ZNF620: variants seen among roughly 807,000 people sequenced by gnomAD.
ZNF620 encodes zinc finger protein 620.
Under a neutral mutation model 13.3 loss-of-function variants are expected in ZNF620, and 10 were observed. The observed-to-expected ratio is 0.75, with a 90% CI of 0.46 to 1.28. The LOEUF (loss-of-function observed/expected upper bound fraction) is 1.28. ZNF620 is among the 50% of genes most tolerant of loss of function. The probability of loss-of-function intolerance (pLI) is 0.00; values close to 1 mark genes in which losing one functional copy is unlikely to be tolerated. For synonymous variants in ZNF620, 166 were observed against 177.6 expected, an observed-to-expected ratio of 0.93 and a Z score of 0.52; for missense variants, 461 against 500.2, an observed-to-expected ratio of 0.92 and a Z score of 0.75.
intron 2 of ZNF620, among the ~76,000 whole-genome samples, chr3:40,507,964 CT>C (rs1698080654): frequency 6.6e-6 from 1 of 152,098 alleles, no homozygotes; most frequent in Non-Finnish European, 1.5e-5. Flanking sequence ...TTTCAAGGAA[CT>C]TATCCATTTT....
intron 4 of ZNF620, among the ~76,000 whole-genome samples, chr3:40,513,316 A>AATATAT (rs71618944): frequency 2.0e-3 from 128 of 62,548 alleles, no homozygotes; most frequent in African/African-American, 2.5e-3. Context: ...AAAAAAAAAA[A>AATATAT]ATATATATAT....
At chr3:40,508,861 T>G (rs1464492227) in intron 2 of ZNF620, 2 of 449,394 alleles carry the variant, frequency 4.5e-6, no homozygotes, top group Admixed American at 4.8e-5. Flanking sequence ...CAAGCCATCC[T>G]CCCGCCTCCA....
At chr3:40,511,854 G>A (rs990221396) in intron 3 of ZNF620, among the ~76,000 whole-genome samples, 2 of 151,906 alleles carry the variant, frequency 1.3e-5, no homozygotes, top group Admixed American at 6.6e-5. Context: ...GCTAATTATT[G>A]TATTTTTAGT....
chr3:40,517,553 C>CAG lies in ZNF620; in HGVS notation c.*691_*692dup, dbSNP rs1698431253. ...ACAGAGTGAGACTTTGTCTCAAAAACAGTAAAAAATGAAAATGGCATTAGA... is the reference window on the plus strand; with the variant it reads ...ACAGAGTGAGACTTTGTCTCAAAAACAGAGTAAAAAATGAAAATGGCATTAGA... On this transcript the variant is annotated 3_prime_UTR_variant, in exon 5 of 5. Coordinates refer to ENST00000314529, the MANE Select transcript of ZNF620 (RefSeq NM_175888.4). 6.6e-6 allele frequency: 1 copy of CAG among 152,048 alleles called. No homozygotes were observed. The highest frequency in any genetic ancestry group is 1.9e-4 in the East Asian group (1 of 5,190). The allele number at this position is 152,048 out of a possible 1,614,324, so 9.4% of individuals were successfully genotyped here. A position where few individuals can be genotyped will look rare whatever the true frequency, so the allele number is the denominator to read the frequency against.
At position 40,516,076 on chromosome 3, in the gene ZNF620, C is replaced by T; in HGVS notation, c.482C>T (p.Ala161Val). ...FTDTSARHHE[A>V]YEVKNGEKFE... ...GATACCTCAGCCAGGCACCATGAGG[C>T]CTATGAGGTCAAGAATGGAGAGAAG... is the stretch of plus-strand genomic sequence containing the variant. Residue 161 changes from alanine (A) to valine (V), a missense_variant, in exon 5 of 5, where the codon GCC becomes GTC. By Grantham distance (64) the Ala-to-Val change is moderately conservative (BLOSUM62 0). Coordinates refer to ENST00000314529, the MANE Select transcript of ZNF620 (RefSeq NM_175888.4). 6.2e-7 allele frequency: 1 copy of T among 1,613,982 alleles called. No homozygotes were observed. Among genetic ancestry groups the T allele is most frequent in the Non-Finnish European group, 8.5e-7 (1 of 1,179,990 alleles).
rs1559550502 is a variant in ZNF620 at position 40,512,523 on chromosome 3, T to A, written c.265+8T>A. 1 of 1,582,278 alleles carries A rather than the reference T, an allele frequency of 6.3e-7. No homozygotes were observed. Among genetic ancestry groups the A allele is most frequent in the Non-Finnish European group, 8.6e-7 (1 of 1,166,832 alleles). ...TCAGAGGTATCTGTCCAGGTGAGCA[T>A]GAGAACCCACTAGCTGCCTTTTTGG... On this transcript the variant is annotated splice_region_variant and intron_variant, in intron 4 of 4. Transcript: ENST00000314529.
At chr3:40,512,163 C>A (rs974049315) in intron 3 of ZNF620, among the ~76,000 whole-genome samples, 7 of 152,222 alleles carry the variant, frequency 4.6e-5, no homozygotes, top group Non-Finnish European at 8.8e-5. Context: ...AGCAAAGCCC[C>A]TTGTGTCTTC....
At chr3:40,509,327 G>A (rs1006046847) in intron 2 of ZNF620, among the ~76,000 whole-genome samples, 7 of 151,870 alleles carry the variant, frequency 4.6e-5, no homozygotes, top group Non-Finnish European at 7.4e-5. Flanking sequence ...TGCTTTCTGG[G>A]TTCAAGCGAT....
At position 40,516,182 on chromosome 3, in the gene ZNF620, T is replaced by A; in HGVS notation, c.588T>A (p.Tyr196Ter). 6.2e-7 allele frequency: 1 copy of A among 1,614,106 alleles called. No homozygotes were observed. The highest frequency in any genetic ancestry group is 8.5e-7 in the Non-Finnish European group (1 of 1,180,038). Residue 196 changes from tyrosine to a stop codon, truncating the protein, a stop_gained, in exon 5 of 5, where the codon TAT (tyrosine) becomes TAA (stop). Transcript: ENST00000314529. LOFTEE classifies it low-confidence loss of function (END_TRUNC). ...NQTNPSGQIS[Y>*]ECGQCGRYFI... is the part of the protein sequence containing the mutation. The stretch of plus-strand genomic sequence containing the variant: ...CAAATCCTAGTGGTCAGATATCTTA[T>A]GAATGTGGACAATGTGGCAGATATT...
At chr3:40,515,835 C>T in intron 4 of ZNF620, 25 bp from the exon 5 acceptor site, 1 of 1,544,456 alleles carries the variant, frequency 6.5e-7, no homozygotes, top group South Asian at 1.2e-5. Context: ...CAGGGACTGA[C>T]ATTTGTATTT....
intron 2 of ZNF620, among the ~76,000 whole-genome samples, chr3:40,507,703 A>G (rs918763793): frequency 6.6e-6 from 1 of 152,224 alleles, no homozygotes; most frequent in South Asian, 2.1e-4. Flanking sequence ...CAGTGAAGCT[A>G]TCTAGGCATG....
Position 40,516,909 on chromosome 3 carries a change from A to C in ZNF620, c.*46A>C. 1 of 1,521,310 alleles carries C rather than the reference A, an allele frequency of 6.6e-7. No homozygotes were observed. The allele number at this position is 1,521,310 out of a possible 1,614,324, so 94.2% of individuals were successfully genotyped here. A position where few individuals can be genotyped will look rare whatever the true frequency, so the allele number is the denominator to read the frequency against. On this transcript the variant is annotated 3_prime_UTR_variant, in exon 5 of 5. Coordinates refer to ENST00000314529, the MANE Select transcript of ZNF620 (RefSeq NM_175888.4). ...ACTGTGCCTCTCCTTTTTTCTCTTTATTTTCATGCTTTTTATCAGTGTCCT... is the reference window on the plus strand; with the variant it reads ...ACTGTGCCTCTCCTTTTTTCTCTTTCTTTTCATGCTTTTTATCAGTGTCCT...
At chr3:40,507,095 T>G (rs1044530796) in intron 2 of ZNF620, among the ~76,000 whole-genome samples, 4 of 145,196 alleles carry the variant, frequency 2.8e-5, no homozygotes, top group Admixed American at 1.4e-4. Flanking sequence ...TATGGTTTTT[T>G]TTTTTTTTTT....
chr3:40,515,774 C>T, intron 4 of ZNF620, 86 bp from the exon 5 acceptor site: 2 of 1,391,798 alleles, frequency 1.4e-6, no homozygotes. Context: ...TTCTTCAGCA[C>T]AGATATTGTG....
intron 3 of ZNF620, 33 bp downstream of exon 3, chr3:40,511,629 C>T (rs1355299102): frequency 1.2e-6 from 2 of 1,602,466 alleles, no homozygotes; most frequent in Non-Finnish European, 8.5e-7. Context: ...TGGCCTCTGC[C>T]CTTTAAGCAT....
intron 3 of ZNF620, 37 bp from the exon 4 acceptor site, chr3:40,512,365 T>A: frequency 6.3e-7 from 1 of 1,578,234 alleles, no homozygotes; most frequent in Non-Finnish European, 8.7e-7. Flanking sequence ...GGTTCCTGAT[T>A]CCCCTTACCT....
chr3:40,513,085 C>G (rs1698248002), intron 4 of ZNF620, among the ~76,000 whole-genome samples: 1 of 151,792 alleles, frequency 6.6e-6, no homozygotes, highest in Non-Finnish European at 1.5e-5. Flanking sequence ...ATCTTTCCCC[C>G]ACAGATACTT....
At chr3:40,512,788 A>G (rs1345819200) in intron 4 of ZNF620, among the ~76,000 whole-genome samples, 1 of 152,092 alleles carries the variant, frequency 6.6e-6, no homozygotes, top group Non-Finnish European at 1.5e-5. Context: ...ATTGGGCAGC[A>G]CTTAAACCAG....
At chr3:40,507,380 G>A (rs1264663918) in intron 2 of ZNF620, among the ~76,000 whole-genome samples, 2 of 152,088 alleles carry the variant, frequency 1.3e-5, no homozygotes, top group South Asian at 2.1e-4. Context: ...GTGAGCCACC[G>A]TGCCCAGCCT....
Sources: allele counts gnomAD v4.1 joint callset (sites outside exome capture counted in the v4.1 genomes callset), GRCh38; gene constraint gnomAD v4.1.1; transcripts MANE v1.5; gene names NCBI Gene and HGNC (gene_info 2026-07-23, HGNC 2026-07-21).